ZNF175: variants seen among roughly 807,000 people sequenced by gnomAD.
The protein encoded by ZNF175 is zinc finger protein 175.
A neutral mutation model predicts 14.0 loss-of-function variants in ZNF175; 8 were observed. That is an observed-to-expected ratio of 0.57 (90% confidence interval 0.34 to 1.03). The LOEUF (loss-of-function observed/expected upper bound fraction) is 1.03. Among genes scored for constraint, ZNF175 ranks in the 50% least tolerant of loss-of-function variants. The pLI, the probability that ZNF175 is intolerant of heterozygous loss-of-function variation, is 0.03. For synonymous variants in ZNF175, 255 were observed against 296.8 expected (o/e 0.86, Z 1.45); for missense variants, 764 against 849.5 (o/e 0.90, Z 1.25).
Position 51,573,352 on chromosome 19 carries a change from C to T in ZNF175, c.23C>T (p.Ser8Phe). 1.2e-6 allele frequency: 2 copies of T among 1,612,754 alleles called. No individual in the cohort carries two copies. The highest frequency in any genetic ancestry group is 2.2e-5 in the East Asian group (1 of 44,730). Residue 8 changes from serine (S) to phenylalanine (F), a missense_variant, in exon 2 of 5, where the codon TCC becomes TTC. Ser to Phe is a radical substitution (Grantham distance 155). Coordinates refer to ENST00000262259, the MANE Select transcript of ZNF175 (RefSeq NM_007147.4). MPADVNL[S>F]QKPQVLGPEK... Reference sequence around the variant, plus strand: ...GAGATGCCTGCTGATGTGAATTTATCCCAGAAGCCTCAGGTCCTGGGTCCA... The same window carrying T: ...GAGATGCCTGCTGATGTGAATTTATTCCAGAAGCCTCAGGTCCTGGGTCCA...
In ZNF175 at chr19:51,573,222, C is replaced by T; in HGVS notation, c.-108C>T. 2 of 1,052,452 alleles carry T rather than the reference C, an allele frequency of 1.9e-6. No individual in the cohort carries two copies. The highest frequency in any genetic ancestry group is 3.0e-6 in the Non-Finnish European group (2 of 677,570). The allele number at this position is 1,052,452 out of a possible 1,614,324, so 65.2% of individuals were successfully genotyped here. ...TCTCTCTTCATAGCCCAGTACGACT[C>T]TCCGCCGTGTCCCTGGTTGGAAAAT... On this transcript the variant is annotated 5_prime_UTR_variant, in exon 2 of 5. Transcript: ENST00000262259.
At position 51,586,724 on chromosome 19, in the gene ZNF175, G is replaced by T; in HGVS notation, c.393G>T (p.Trp131Cys). ...GTGAGTTCACAAGAGATGGTTCATG[G>T]TGTTCCATTTTAGAAGAACTGAGGC... ...MVGEFTRDGS[W>C]CSILEELRLD... The change falls in exon 5 of 5, where the codon TGG becomes TGT. Residue 131 changes from tryptophan to cysteine, a missense_variant. Coordinates refer to ENST00000262259, the MANE Select transcript of ZNF175 (RefSeq NM_007147.4). 6.2e-7 allele frequency: 1 copy of T among 1,614,170 alleles called. No individual in the cohort carries two copies.
chr19:51,581,728 G>C, intron 3 of ZNF175, 59 bp from the exon 4 acceptor site: 1 of 1,587,702 alleles, frequency 6.3e-7, no homozygotes, highest in Non-Finnish European at 8.6e-7. Flanking sequence ...AAGCTTCATT[G>C]AATGGCCTCT....
intron 2 of ZNF175, among the ~76,000 whole-genome samples, chr19:51,578,483 G>A (rs1375799115): frequency 2.6e-5 from 4 of 151,982 alleles, no homozygotes; most frequent in African/African-American, 4.8e-5. Context: ...AAACGTTGAG[G>A]ACGGCTGGGC....
At chr19:51,582,908 T>C (rs1030282868) in intron 4 of ZNF175, among the ~76,000 whole-genome samples, 2 of 152,046 alleles carry the variant, frequency 1.3e-5, no homozygotes, top group Middle Eastern at 3.4e-3. Context: ...CAGGCTGGAG[T>C]GCAATGGCAC....
At position 51,589,663 on chromosome 19, in the gene ZNF175, G is replaced by A. The variant is rs1005913872; in HGVS notation, c.*1196G>A. ...TTACACCAGGAGTCAACAAACTGTG[G>A]CCATTGGCCAAATATGGCCTCCCAA... On this transcript the variant is annotated 3_prime_UTR_variant, in exon 5 of 5. Transcript: ENST00000262259. The A allele has an allele frequency of 4.4e-6, 3 of 678,898 alleles. No homozygotes were observed. Among genetic ancestry groups the A allele is most frequent in the Non-Finnish European group, 8.0e-6 (3 of 375,372 alleles). 42.1% of individuals were successfully genotyped at this position (678,898 alleles called of 1,614,324 possible).
Position 51,573,233 on chromosome 19 carries a change from C to T in ZNF175, c.-97C>T, listed in dbSNP as rs1600077640. 3 of 1,200,124 alleles carry T rather than the reference C, an allele frequency of 2.5e-6. No individual in the cohort carries two copies. The East Asian group carries it at 7.0e-5, about 28-fold the overall frequency. The allele number at this position is 1,200,124 out of a possible 1,614,324, so 74.3% of individuals were successfully genotyped here. A position where few individuals can be genotyped will look rare whatever the true frequency, so the allele number is the denominator to read the frequency against. On this transcript the variant is annotated 5_prime_UTR_variant, in exon 2 of 5. Coordinates refer to ENST00000262259, the MANE Select transcript of ZNF175 (RefSeq NM_007147.4). ...AGCCCAGTACGACTCTCCGCCGTGT[C>T]CCTGGTTGGAAAATCCAAACACCTA...
In ZNF175 at chr19:51,589,699, A is replaced by T. The variant is rs961824078; in HGVS notation, c.*1232A>T. The T allele has an allele frequency of 4.2e-5, 27 of 649,066 alleles. No individual in the cohort carries two copies. The highest frequency in any genetic ancestry group is 2.9e-4 in the South Asian group (17 of 58,046). 40.2% of individuals were successfully genotyped at this position (649,066 alleles called of 1,614,324 possible). On this transcript the variant is annotated 3_prime_UTR_variant, in exon 5 of 5. Transcript: ENST00000262259. The stretch of plus-strand genomic sequence containing the variant: ...AATATGGCCTCCCAACTGTTTTTTT[A>T]AAATAAAGTTTTATTGGAACACAGC...
chr19:51,574,746 T>A (rs1259746971), intron 2 of ZNF175, among the ~76,000 whole-genome samples: 1 of 152,182 alleles, frequency 6.6e-6, no homozygotes, highest in East Asian at 1.9e-4. Flanking sequence ...TTTCTCTCAT[T>A]TGCATTGATG....
chr19:51,586,793 A>G lies in ZNF175; in HGVS notation c.462A>G (p.Gln154=). 3 of 1,614,180 alleles carry G rather than the reference A, an allele frequency of 1.9e-6. No individual in the cohort carries two copies. Among genetic ancestry groups the G allele is most frequent in the Non-Finnish European group, 2.5e-6 (3 of 1,180,024 alleles). The stretch of plus-strand genomic sequence containing the variant: ...AGAAAGATGAGCAAAATCAAATTCA[A>G]CCCATGAGTCACAGTGCTTTCTTCA... ...RTKKDEQNQI[Q]PMSHSAFFNK... is the part of the protein sequence containing the mutation. Residue 154 remains glutamine (Q), a synonymous_variant, in exon 5 of 5, where the codon CAA becomes CAG. Coordinates refer to ENST00000262259, the MANE Select transcript of ZNF175 (RefSeq NM_007147.4).
chr19:51,588,424 C>G lies in ZNF175; in HGVS notation c.2093C>G (p.Ser698Cys). The G allele has an allele frequency of 6.3e-7, 1 of 1,590,730 alleles. No individual in the cohort carries two copies. The highest frequency in any genetic ancestry group is 8.5e-7 in the Non-Finnish European group (1 of 1,171,112). ...CAAACAACTCATACCAGAGACAAATCTTACAAATGCAGTTATTCTGTGAAA... is the reference window on the plus strand; with the variant it reads ...CAAACAACTCATACCAGAGACAAATGTTACAAATGCAGTTATTCTGTGAAA... ...KHQTTHTRDKSYKCSYSVKGF... is the reference protein window; with the variant it reads ...KHQTTHTRDKCYKCSYSVKGF... The change falls in exon 5 of 5, where the codon TCT becomes TGT. Residue 698 changes from serine to cysteine, a missense_variant. Physicochemically the swap from Ser to Cys is moderately radical, Grantham distance 112. Coordinates refer to ENST00000262259, the MANE Select transcript of ZNF175 (RefSeq NM_007147.4).
chr19:51,576,214 G>A (rs1251774729), intron 2 of ZNF175, among the ~76,000 whole-genome samples: 2 of 149,214 alleles, frequency 1.3e-5, no homozygotes, highest in Non-Finnish European at 3.0e-5. Flanking sequence ...GCAATGGCGC[G>A]ATCTTGGCTC....
chr19:51,588,048 C>A lies in ZNF175; in HGVS notation c.1717C>A (p.Gln573Lys). 6.2e-7 allele frequency: 1 copy of A among 1,614,054 alleles called. No homozygotes were observed. The highest frequency in any genetic ancestry group is 8.5e-7 in the Non-Finnish European group (1 of 1,179,982). Residue 573 changes from glutamine to lysine, a missense_variant, in exon 5 of 5, where the codon CAA becomes AAA. Gln to Lys is a moderately conservative substitution (Grantham distance 53, BLOSUM62 1). Transcript: ENST00000262259. ...ECGKAFTSKSQFKEHQRIHTG... is the reference protein window; with the variant it reads ...ECGKAFTSKSKFKEHQRIHTG... Reference sequence around the variant, plus strand: ...TGGGAAAGCCTTCACTTCTAAGTCTCAATTCAAAGAGCATCAGCGAATTCA... The same window carrying A: ...TGGGAAAGCCTTCACTTCTAAGTCTAAATTCAAAGAGCATCAGCGAATTCA...
At position 51,588,303 on chromosome 19, in the gene ZNF175, C is replaced by G; in HGVS notation, c.1972C>G (p.Leu658Val). The G allele has an allele frequency of 6.2e-7, 1 of 1,613,566 alleles. No homozygotes were observed. The highest frequency in any genetic ancestry group is 8.5e-7 in the Non-Finnish European group (1 of 1,179,902). ...GAAATCGTTCAGTAAGAAACCACAACTCAAGGTGCATCAGCGAATTCACAC... is the reference window on the plus strand; with the variant it reads ...GAAATCGTTCAGTAAGAAACCACAAGTCAAGGTGCATCAGCGAATTCACAC... The part of the protein sequence containing the change: ...CGKSFSKKPQ[L>V]KVHQRIHTGE... Residue 658 changes from leucine (L) to valine (V), a missense_variant, in exon 5 of 5, where the codon CTC becomes GTC. Transcript: ENST00000262259.
chr19:51,580,176 G>A (rs958184935), intron 2 of ZNF175, among the ~76,000 whole-genome samples: 13 of 152,068 alleles, frequency 8.5e-5, no homozygotes, highest in African/African-American at 3.1e-4. Flanking sequence ...CCATTGGATG[G>A]CTCTCCTCTA....
At chr19:51,577,044 A>G (rs188786285) in intron 2 of ZNF175, among the ~76,000 whole-genome samples, 1 of 152,340 alleles carries the variant, frequency 6.6e-6, no homozygotes, top group East Asian at 1.9e-4. Context: ...CCTGTCTCAA[A>G]AAACAAAAAC....
intron 2 of ZNF175, among the ~76,000 whole-genome samples, chr19:51,578,075 C>T (rs886556623): frequency 6.6e-6 from 1 of 152,012 alleles, no homozygotes. Context: ...AAGTTAACTA[C>T]TTTCGTCACT....
rs1250357294 is a variant in ZNF175 at position 51,586,612 on chromosome 19, T to C, written c.296-15T>C. On this transcript the variant is annotated splice_polypyrimidine_tract_variant and intron_variant, in intron 4 of 4. Coordinates refer to ENST00000262259, the MANE Select transcript of ZNF175 (RefSeq NM_007147.4). ...TGTTCATTGTGTCTATTTCATCTTCTCTTTCTCCTTTTAGAAAGGGAGTTT... is the reference window on the plus strand; with the variant it reads ...TGTTCATTGTGTCTATTTCATCTTCCCTTTCTCCTTTTAGAAAGGGAGTTT... The C allele has an allele frequency of 3.8e-6, 6 of 1,569,526 alleles. No homozygotes were observed. Among genetic ancestry groups the C allele is most frequent in the Non-Finnish European group, 5.2e-6 (6 of 1,161,422 alleles).
intron 2 of ZNF175, 42 bp from the exon 3 acceptor site, chr19:51,581,349 A>T (rs572205558): frequency 1.2e-6 from 2 of 1,614,122 alleles, no homozygotes; most frequent in South Asian, 2.2e-5. Flanking sequence ...CCACTCGCCA[A>T]TGATGACCTA....
Sources: allele counts gnomAD v4.1 joint callset (sites outside exome capture counted in the v4.1 genomes callset), GRCh38; gene constraint gnomAD v4.1.1; transcripts MANE v1.5; gene names NCBI Gene and HGNC (gene_info 2026-07-23, HGNC 2026-07-21).